Variants in TFAM observed in about 807,000 individuals in gnomAD.
TFAM encodes the protein mitochondrial transcription factor 1.
Under a neutral mutation model 30.6 loss-of-function variants are expected in TFAM, and 13 were observed. The ratio of observed to expected loss-of-function variants is 0.42; its 90% CI spans 0.28 to 0.67. TFAM has a LOEUF of 0.67. Ranked by LOEUF, TFAM falls within the 30% of genes least tolerant of loss-of-function variation. The pLI is 0.21. For synonymous variants in TFAM, 106 were observed against 94.8 expected (o/e 1.12, Z -0.69); for missense variants, 231 against 293.7 (o/e 0.79, Z 1.56).
chr10:58,388,216 A>G lies in TFAM; in HGVS notation c.247A>G (p.Arg83Gly), dbSNP rs1343125160. Residue 83 changes from arginine (R) to glycine (G), a missense_variant, in exon 3 of 7, where the codon AGA becomes GGA. By Grantham distance (125) the Arg-to-Gly change is moderately radical. Coordinates refer to ENST00000487519, the MANE Select transcript of TFAM (RefSeq NM_003201.3). ...TGCAAAAACTACAGAACTAATTAGA[A>G]GAATTGCCCAGCGTTGGAGGGAACT... is the stretch of plus-strand genomic sequence containing the variant. ...PDAKTTELIR[R>G]IAQRWRELPD... is the part of the protein sequence containing the mutation. 1.2e-6 allele frequency: 2 copies of G among 1,614,048 alleles called. No homozygotes were observed.
At chr10:58,393,258 C>T (rs780308742) in intron 5 of TFAM, among the ~76,000 whole-genome samples, 22 of 152,176 alleles carry the variant, frequency 1.4e-4, no homozygotes, top group Non-Finnish European at 2.8e-4. Flanking sequence ...GGATTACAGG[C>T]GTGAGCCACC....
At position 58,385,441 on chromosome 10, in the gene TFAM, A is replaced by G. The variant is rs1813939855; in HGVS notation, c.-107A>G. On this transcript the variant is annotated 5_prime_UTR_variant, in exon 1 of 7. Transcript: ENST00000487519. ...CCTCGCTAGTGGCGGGCATGATAAC[A>G]CACGCCGGAGGGTCGCACGCGGGTT... 4.9e-6 allele frequency: 4 copies of G among 814,670 alleles called. No individual in the cohort carries two copies. Among genetic ancestry groups the G allele is most frequent in the African/African-American group, 3.4e-5 (2 of 59,356 alleles). 50.5% of individuals were successfully genotyped at this position (814,670 alleles called of 1,614,324 possible). A position where few individuals can be genotyped will look rare whatever the true frequency, so the allele number is the denominator to read the frequency against.
At chr10:58,393,800 C>T in intron 5 of TFAM, among the ~76,000 whole-genome samples, 1 of 151,604 alleles carries the variant, frequency 6.6e-6, no homozygotes, top group East Asian at 1.9e-4. Context: ...GAAGTTGAGA[C>T]AGGAGGATCA....
In TFAM at chr10:58,398,424, G is replaced by A. The variant is rs763122180; in HGVS notation, c.*3350G>A. ...AAAGTAATTTGATGAGGGGAAGGAG[G>A]GTTGTGTATTTATTTTACTTTCTGA... On this transcript the variant is annotated 3_prime_UTR_variant, in exon 7 of 7. Coordinates refer to ENST00000487519, the MANE Select transcript of TFAM (RefSeq NM_003201.3). 4 of 152,048 alleles carry A rather than the reference G, an allele frequency of 2.6e-5. No homozygotes were observed. Among genetic ancestry groups the A allele is most frequent in the Non-Finnish European group, 5.9e-5 (4 of 68,006 alleles). 9.4% of individuals were successfully genotyped at this position (152,048 alleles called of 1,614,324 possible).
chr10:58,394,347 T>C lies in TFAM; in HGVS notation c.538-11T>C, dbSNP rs1176084823. On this transcript the variant is annotated splice_polypyrimidine_tract_variant and intron_variant, in intron 5 of 6. Transcript: ENST00000487519. ...ATATCTACCTTAACTTAAACATATATTGTTTTACAGGAAAAGCTGAAGACT... is the reference window on the plus strand; with the variant it reads ...ATATCTACCTTAACTTAAACATATACTGTTTTACAGGAAAAGCTGAAGACT... 3.1e-6 allele frequency: 5 copies of C among 1,607,230 alleles called. No homozygotes were observed. The highest frequency in any genetic ancestry group is 4.3e-6 in the Non-Finnish European group (5 of 1,174,148).
rs1840742297 is a variant in TFAM at position 58,399,091 on chromosome 10, A to G, written c.*4017A>G. Reference sequence around the variant, plus strand: ...TTGATTAAATCACTTACTATATTCGATATGAAATATATAAAACATACAACC... The same window carrying G: ...TTGATTAAATCACTTACTATATTCGGTATGAAATATATAAAACATACAACC... On this transcript the variant is annotated 3_prime_UTR_variant, in exon 7 of 7. Coordinates refer to ENST00000487519, the MANE Select transcript of TFAM (RefSeq NM_003201.3). 6.6e-6 allele frequency: 1 copy of G among 152,222 alleles called. No individual in the cohort carries two copies. Among genetic ancestry groups the G allele is most frequent in the African/African-American group, 2.4e-5 (1 of 41,470 alleles). 9.4% of individuals were successfully genotyped at this position (152,222 alleles called of 1,614,324 possible). A position where few individuals can be genotyped will look rare whatever the true frequency, so the allele number is the denominator to read the frequency against.
At position 58,385,640 on chromosome 10, in the gene TFAM, C is replaced by T. The variant is rs1257956026; in HGVS notation, c.93C>T (p.Ser31=). The T allele has an allele frequency of 6.4e-7, 1 of 1,556,336 alleles. No homozygotes were observed. Residue 31 remains serine (S), a synonymous_variant, in exon 1 of 7, where the codon TCC becomes TCT. Transcript: ENST00000487519. ...LCTGCGSRLR[S]PFSFVYLPRW... ...CCGGCTGTGGAAGTCGACTGCGCTCCCCCTTCAGGTAGGCCCGCTTGCCTG... is the reference window on the plus strand; with the variant it reads ...CCGGCTGTGGAAGTCGACTGCGCTCTCCCTTCAGGTAGGCCCGCTTGCCTG...
rs890291805 is a variant in TFAM, at chr10:58,396,140, C to G, written c.*1066C>G. ...TAAATAAAGTTTGTTGAAACACAAC[C>G]AAGATCATTCTTTTACTTGTCTATG... On this transcript the variant is annotated 3_prime_UTR_variant, in exon 7 of 7. Coordinates refer to ENST00000487519, the MANE Select transcript of TFAM (RefSeq NM_003201.3). 4 of 152,036 alleles carry G rather than the reference C, an allele frequency of 2.6e-5. No homozygotes were observed. Among genetic ancestry groups the G allele is most frequent in the African/African-American group, 7.2e-5 (3 of 41,390 alleles). The allele number at this position is 152,036 out of a possible 1,614,324, so 9.4% of individuals were successfully genotyped here.
Position 58,395,058 on chromosome 10 carries a change from G to T in TFAM, c.725G>T (p.Gly242Val), listed in dbSNP as rs758739558. The T allele has an allele frequency of 3.7e-6, 6 of 1,613,328 alleles. No individual in the cohort carries two copies. The stretch of plus-strand genomic sequence containing the variant: ...ACAATAAAGAAACAACGAAAATATG[G>T]TGCTGAGGAGTGTTAAAAGTAGAAG... ...RRTIKKQRKY[G>V]AEEC The change falls in exon 7 of 7, where the codon GGT becomes GTT. Residue 242 changes from glycine (G) to valine (V), a missense_variant. Coordinates refer to ENST00000487519, the MANE Select transcript of TFAM (RefSeq NM_003201.3).
chr10:58,387,250 G>A (rs12257724), intron 2 of TFAM, among the ~76,000 whole-genome samples: 2 of 152,102 alleles, frequency 1.3e-5, no homozygotes, highest in Non-Finnish European at 1.5e-5. Flanking sequence ...GTGACAGAGC[G>A]AGACCCTGTC....
Position 58,385,438 on chromosome 10 carries a change from AAC to A in TFAM, c.-105_-104del. 2.5e-6 allele frequency: 2 copies of A among 790,790 alleles called. No individual in the cohort carries two copies. Among genetic ancestry groups the A allele is most frequent in the Non-Finnish European group, 4.3e-6 (2 of 469,526 alleles). 49.0% of individuals were successfully genotyped at this position (790,790 alleles called of 1,614,324 possible). ...GTGCCTCGCTAGTGGCGGGCATGAT[AAC>A]ACACGCCGGAGGGTCGCACGCGGGT... is the stretch of plus-strand genomic sequence containing the variant. On this transcript the variant is annotated 5_prime_UTR_variant, in exon 1 of 7. An upstream open reading frame in the 5' UTR gains an earlier in-frame stop. Coordinates refer to ENST00000487519, the MANE Select transcript of TFAM (RefSeq NM_003201.3).
intron 6 of TFAM, 94 bp from the exon 7 acceptor site, chr10:58,394,834 A>G (rs1364194739): frequency 1.0e-5 from 13 of 1,256,132 alleles, no homozygotes; most frequent in Non-Finnish European, 1.5e-5. Context: ...TCTAAAGTAT[A>G]TACAGAAGCA....
At chr10:58,385,720 C>T in intron 1 of TFAM, 72 bp downstream of exon 1, 2 of 1,168,018 alleles carry the variant, frequency 1.7e-6, no homozygotes, top group South Asian at 2.6e-5. Context: ...TAGACCCTAT[C>T]CTTCACTTTC....
chr10:58,394,286 T>C, intron 5 of TFAM, 72 bp from the exon 6 acceptor site: 1 of 1,120,304 alleles, frequency 8.9e-7, no homozygotes, highest in East Asian at 2.3e-5. Context: ...TCTTGAGTTT[T>C]TGTTGGAATG....
chr10:58,388,311 G>T, intron 3 of TFAM, 51 bp downstream of exon 3: 1 of 1,477,546 alleles, frequency 6.8e-7, no homozygotes, highest in Non-Finnish European at 9.5e-7. Context: ...GCAGTTAGGA[G>T]CAATTGTCAT....
intron 6 of TFAM, 125 bp downstream of exon 6, chr10:58,394,539 A>C: frequency 1.1e-6 from 1 of 910,828 alleles, no homozygotes; most frequent in African/African-American, 1.7e-5. Context: ...TTCTAAAATT[A>C]TTTTCATATT....
chr10:58,393,580 T>C (rs1336665397), intron 5 of TFAM, among the ~76,000 whole-genome samples: 2 of 152,148 alleles, frequency 1.3e-5, no homozygotes, highest in Non-Finnish European at 2.9e-5. Flanking sequence ...AATGGGATTT[T>C]AGGGAAAGCA....
rs199680875 is a variant in TFAM, at chr10:58,388,557, A to G, written c.292-113A>G. On this transcript the variant is annotated intron_variant, in intron 3 of 6. Coordinates refer to ENST00000487519, the MANE Select transcript of TFAM (RefSeq NM_003201.3). ...CATCTCATCCCAGAGCACATTTTCCACCTGGTGATAAAATCTGTCTGTCTG... is the reference window on the plus strand; with the variant it reads ...CATCTCATCCCAGAGCACATTTTCCGCCTGGTGATAAAATCTGTCTGTCTG... 1.1e-5 allele frequency: 13 copies of G among 1,149,762 alleles called. No individual in the cohort carries two copies. In the East Asian group the frequency reaches 3.0e-4, roughly 27 times the overall value. 71.2% of individuals were successfully genotyped at this position (1,149,762 alleles called of 1,614,324 possible).
rs779025088 is a variant in TFAM, at chr10:58,388,265, G to A, written c.291+5G>A. On this transcript the variant is annotated splice_donor_5th_base_variant and intron_variant, in intron 3 of 6. Transcript: ENST00000487519. ...CTTCCTGATTCAAAGAAAAAAGTAA[G>A]CACATAAGTTTTCAACATTGCTGAC... 1 of 1,612,998 alleles carries A rather than the reference G, an allele frequency of 6.2e-7. No homozygotes were observed. Among genetic ancestry groups the A allele is most frequent in the Non-Finnish European group, 8.5e-7 (1 of 1,179,156 alleles).
Sources: gnomAD v4.1 joint callset for allele counts (sites outside exome capture counted in the v4.1 genomes callset) on GRCh38, gnomAD v4.1.1 for gene constraint, MANE v1.5 for transcripts, NCBI Gene and HGNC (gene_info 2026-07-23, HGNC 2026-07-21) for gene names.